Variants in GRIA1 observed in about 807,000 individuals in gnomAD.
GRIA1 encodes glutamate receptor 1.
GRIA1 carries 31 observed loss-of-function variants against 99.2 expected under a neutral mutation model. That is an observed-to-expected ratio of 0.31 (90% confidence interval 0.23 to 0.42). The LOEUF (loss-of-function observed/expected upper bound fraction) is 0.42, where lower values mean the gene tolerates loss of function less well. GRIA1 is among the 10% of genes least tolerant of loss of function. GRIA1 has a pLI of 1.00. For missense variants in GRIA1, 782 were observed against 1,157.5 expected (o/e 0.68, Z 4.71); for synonymous variants, 438 against 432.4 (o/e 1.01, Z -0.16).
intron 2 of GRIA1, among the ~76,000 whole-genome samples, chr5:153,522,116 G>A (rs1034295213): frequency 1.3e-5 from 2 of 152,190 alleles, no homozygotes; most frequent in African/African-American, 4.8e-5. Context: ...ATAAGTGTAA[G>A]ACTCTGGAAT....
chr5:153,686,120 T>A, intron 7 of GRIA1, 105 bp from the exon 8 acceptor site: 1 of 833,306 alleles, frequency 1.2e-6, no homozygotes, highest in African/African-American at 1.7e-5. Flanking sequence ...CAAGACATCA[T>A]TCCATGGAAC....
chr5:153,807,949 A>C (rs932497355), intron 15 of GRIA1, among the ~76,000 whole-genome samples: 1 of 152,226 alleles, frequency 6.6e-6, no homozygotes, highest in Non-Finnish European at 1.5e-5. Context: ...AGCTACAGCA[A>C]TTGAGGGCTT....
rs144254884 is a variant in GRIA1 at position 153,769,029 on chromosome 5, C to T, written c.2023-1139C>T. On this transcript the variant is annotated intron_variant, in intron 12 of 15. Coordinates refer to ENST00000285900, the MANE Select transcript of GRIA1 (RefSeq NM_000827.4). ...CCATGTGCAAGGTACTCAGTTAGAC[C>T]CTGTGACGGACCCACAGGAGGGAAG... Among the ~76,000 whole-genome samples, 5 of 152,248 alleles carry T rather than the reference C, an allele frequency of 3.3e-5. No individual in the cohort carries two copies. In the East Asian group the frequency reaches 9.7e-4, roughly 29 times the overall value.
intron 11 of GRIA1, among the ~76,000 whole-genome samples, chr5:153,723,235 G>A (rs763742835): frequency 1.1e-4 from 17 of 152,244 alleles, no homozygotes; most frequent in Middle Eastern, 3.4e-3. Context: ...TCATCATATC[G>A]TTAGAGATGA....
chr5:153,594,147 G>A (rs1298046518), intron 2 of GRIA1, among the ~76,000 whole-genome samples: 3 of 152,150 alleles, frequency 2.0e-5, no homozygotes, highest in East Asian at 3.9e-4. Context: ...AAGCTGTTAC[G>A]ATTATCTTTT....
At chr5:153,555,332 G>A (rs1205351493) in intron 2 of GRIA1, among the ~76,000 whole-genome samples, 1 of 150,982 alleles carries the variant, frequency 6.6e-6, no homozygotes, top group Non-Finnish European at 1.5e-5. Flanking sequence ...TACATACAGG[G>A]AGCAAATTCC....
intron 11 of GRIA1, among the ~76,000 whole-genome samples, chr5:153,732,138 T>C (rs1761081185): frequency 6.6e-6 from 1 of 152,140 alleles, no homozygotes; most frequent in Non-Finnish European, 1.5e-5. Flanking sequence ...CATGAATACT[T>C]AAGTTGTTTC....
chr5:153,580,168 G>T (rs1313513756), intron 2 of GRIA1, among the ~76,000 whole-genome samples: 1 of 152,100 alleles, frequency 6.6e-6, no homozygotes, highest in Non-Finnish European at 1.5e-5. Context: ...AAGTCAAGGT[G>T]GTCCCCTCTG....
intron 11 of GRIA1, among the ~76,000 whole-genome samples, chr5:153,747,419 A>G (rs1211897491): frequency 6.6e-6 from 1 of 152,164 alleles, no homozygotes; most frequent in African/African-American, 2.4e-5. Context: ...CACCTCCAAC[A>G]TTGACAATCA....
At chr5:153,519,975 G>T (rs1427785266) in intron 2 of GRIA1, among the ~76,000 whole-genome samples, 4 of 152,110 alleles carry the variant, frequency 2.6e-5, no homozygotes, top group Non-Finnish European at 4.4e-5. Flanking sequence ...CTGTTAATCT[G>T]CCTGTCCAGG....
intron 2 of GRIA1, among the ~76,000 whole-genome samples, chr5:153,522,168 G>C (rs1258217248): frequency 1.3e-5 from 2 of 152,202 alleles, no homozygotes; most frequent in Non-Finnish European, 2.9e-5. Context: ...CTACTTTCTA[G>C]CTGTGTAATC....
intron 13 of GRIA1, among the ~76,000 whole-genome samples, chr5:153,786,453 C>A (rs1257751916): frequency 1.3e-5 from 2 of 151,762 alleles, no homozygotes; most frequent in African/African-American, 4.8e-5. Context: ...CTTTCATGAA[C>A]TATTGAGAAA....
At chr5:153,738,220 A>G (rs1761528028) in intron 11 of GRIA1, among the ~76,000 whole-genome samples, 1 of 152,224 alleles carries the variant, frequency 6.6e-6, no homozygotes. Context: ...GTTCTCCATC[A>G]GTTATTCTGG....
In GRIA1 at chr5:153,776,958, C is replaced by G. The variant is rs1277709808; in HGVS notation, c.2270+6543C>G. On this transcript the variant is annotated intron_variant, in intron 13 of 15. Transcript: ENST00000285900. Reference sequence around the variant, plus strand: ...GTGCTACAGAAGGCCATAGAGAGTTCTCTTCTTTTAGAGAATCACATTGAC... The same window carrying G: ...GTGCTACAGAAGGCCATAGAGAGTTGTCTTCTTTTAGAGAATCACATTGAC... Among the ~76,000 whole-genome samples the G allele has an allele frequency of 2.0e-5, 3 of 152,170 alleles. 1 individual carries two copies. The South Asian group carries it at 6.2e-4, about 32-fold the overall frequency.
intron 11 of GRIA1, chr5:153,755,626 G>A (rs1266674785): frequency 2.6e-5 from 4 of 152,170 alleles, no homozygotes; most frequent in East Asian, 3.9e-4. Context: ...ATGGGATCGC[G>A]CCTGTAAATA....
chr5:153,799,612 G>T (rs1765873128), intron 14 of GRIA1, among the ~76,000 whole-genome samples: 1 of 152,152 alleles, frequency 6.6e-6, no homozygotes, highest in Admixed American at 6.5e-5. Flanking sequence ...TTGGGCCCAG[G>T]TTCTCCCTTG....
intron 5 of GRIA1, among the ~76,000 whole-genome samples, chr5:153,672,712 G>A (rs191538004): frequency 3.0e-4 from 45 of 152,244 alleles, no homozygotes; most frequent in Admixed American, 1.2e-3. Flanking sequence ...CGGTATCCTA[G>A]GATCCCAAGA....
At chr5:153,491,109 GA>G in intron 1 of GRIA1, 139 bp downstream of exon 1, 1 of 1,038,566 alleles carries the variant, frequency 9.6e-7, no homozygotes, top group Non-Finnish European at 1.5e-6. Flanking sequence ...ACAGAAGGGA[GA>G]CTTGGGCTTA....
chr5:153,724,591 G>T (rs1467792727), intron 11 of GRIA1, among the ~76,000 whole-genome samples: 2 of 152,214 alleles, frequency 1.3e-5, no homozygotes, highest in East Asian at 3.8e-4. Context: ...TGAGAACTAC[G>T]TGAAGAATGC....
Sources: gnomAD v4.1 joint callset for allele counts (sites outside exome capture counted in the v4.1 genomes callset) on GRCh38, gnomAD v4.1.1 for gene constraint, MANE v1.5 for transcripts, NCBI Gene and HGNC (gene_info 2026-07-23, HGNC 2026-07-21) for gene names.